The following KIFC3 variants were observed in gnomAD, a reference collection of about 807,000 sequenced individuals.
KIFC3 encodes the protein kinesin-like protein KIFC3.
A neutral mutation model predicts 101.8 loss-of-function variants in KIFC3; 60 were observed. That is an observed-to-expected ratio of 0.59 (90% CI 0.48 to 0.73). The LOEUF is 0.73. KIFC3 is among the 30% of genes least tolerant of loss of function. The probability of loss-of-function intolerance (pLI) is 0.00; values close to 1 mark genes in which losing one functional copy is unlikely to be tolerated. For synonymous variants in KIFC3, 476 were observed against 482.7 expected, an observed-to-expected ratio of 0.99 and a Z score of 0.18; for missense variants, 966 against 1,137.1, an observed-to-expected ratio of 0.85 and a Z score of 2.16.
chr16:57,778,349 T>C (rs1555612851), intron 3 of KIFC3, among the ~76,000 whole-genome samples: 4 of 151,902 alleles, frequency 2.6e-5, no homozygotes, highest in East Asian at 1.9e-4. Context: ...CAGAAGAAAA[T>C]AGAGGAGAAA....
chr16:57,850,944 TCC>T lies in KIFC3; in HGVS notation c.108+11783_108+11784del, dbSNP rs1285419425. On this transcript the variant is annotated intron_variant, in intron 1 of 2. Transcript: ENST00000563028. ...TTTGATTTCAACTTCTTTCCTTCCC[TCC>T]CTCCTTCCTTCCTTCCTTCCTTCCT... 9.9e-3 allele frequency among the ~76,000 whole-genome samples: 300 copies of T among 30,424 alleles called. 1 individual carries two copies. The highest frequency in any genetic ancestry group is 0.02 in the Non-Finnish European group (230 of 11,468). 20.0% of individuals were successfully genotyped at this position (30,424 alleles called of 152,430 possible). A position where few individuals can be genotyped will look rare whatever the true frequency, so the allele number is the denominator to read the frequency against.
At chr16:57,764,612 G>C (rs2050241672) in intron 11 of KIFC3, among the ~76,000 whole-genome samples, 1 of 152,252 alleles carries the variant, frequency 6.6e-6, no homozygotes, top group South Asian at 2.1e-4. Context: ...GATAGAACCA[G>C]ACATGAGAAC....
At position 57,780,927 on chromosome 16, in the gene KIFC3, G is replaced by A. The variant is rs1186390948; in HGVS notation, c.316-8639C>T. 4.6e-5 allele frequency among the ~76,000 whole-genome samples: 7 copies of A among 151,984 alleles called. No individual in the cohort carries two copies. In the Middle Eastern group the frequency reaches 0.02, roughly 443 times the overall value. ...TGACCTCAGAAGATCTGCCCACCTCGGCCTCCCAAAGTGCTGGGATTACAG... is the reference window on the plus strand; with the variant it reads ...TGACCTCAGAAGATCTGCCCACCTCAGCCTCCCAAAGTGCTGGGATTACAG... On this transcript the variant is annotated intron_variant, in intron 3 of 19. Transcript: ENST00000445690.
At chr16:57,834,354 C>T (rs2911342) in intron 1 of KIFC3, among the ~76,000 whole-genome samples, 25,078 of 151,952 alleles carry the variant, frequency 0.17, 2,269 homozygotes, top group Middle Eastern at 0.23. Context: ...ACTGCACTCC[C>T]TGACATTTTT....
At chr16:57,762,103 C>A (rs1290663644) in intron 13 of KIFC3, 37 bp downstream of exon 13, 1 of 1,544,638 alleles carries the variant, frequency 6.5e-7, no homozygotes, top group East Asian at 2.3e-5. Context: ...CCCAAAGCTG[C>A]CCCTGAGGCC....
intron 1 of KIFC3, chr16:57,846,324 C>T (rs1033240492): frequency 4.6e-5 from 7 of 152,424 alleles, no homozygotes; most frequent in African/African-American, 1.7e-4. Context: ...CAGACAAAGC[C>T]ATGAGATACA....
chr16:57,771,515 G>A lies in KIFC3; in HGVS notation c.525+28C>T, dbSNP rs782343494. 2.5e-6 allele frequency: 4 copies of A among 1,610,654 alleles called. No homozygotes were observed. The South Asian group carries it at 3.3e-5, about 13-fold the overall frequency. ...GAGCTGGGGTGGCCCTCCAGGACCA[G>A]CATGGGGACCACGGCCATTCTGCTC... On this transcript the variant is annotated intron_variant, in intron 5 of 19. Transcript: ENST00000445690.
intron 1 of KIFC3, among the ~76,000 whole-genome samples, chr16:57,812,179 A>G (rs2055099643): frequency 6.6e-6 from 1 of 150,848 alleles, no homozygotes; most frequent in South Asian, 2.1e-4. Flanking sequence ...AGTAGCTGGG[A>G]CTACAGGCGC....
At chr16:57,784,860 G>T (rs893839069) in intron 3 of KIFC3, among the ~76,000 whole-genome samples, 5 of 151,836 alleles carry the variant, frequency 3.3e-5, no homozygotes, top group Non-Finnish European at 7.4e-5. Context: ...CCCATGGGAC[G>T]TGCAGCTCAT....
At chr16:57,790,078 C>CT (rs782291808) in intron 3 of KIFC3, among the ~76,000 whole-genome samples, 17,007 of 94,092 alleles carry the variant, frequency 0.18, 1,632 homozygotes, top group South Asian at 0.32. Context: ...TTCTTTCTTT[C>CT]TTTTTTTTTT....
Position 57,769,821 on chromosome 16 carries a change from G to C in KIFC3, c.1074C>G (p.His358Gln). ...TGGTCAGCTCACCTGCTAGATTCTC[G>C]TGCACAGCCTTCATCTCCACCTGGG... is the stretch of plus-strand genomic sequence containing the variant. ...ARAQVEMKAV[H>Q]ENLAGVRTNL... Residue 358 changes from histidine to glutamine, a missense_variant, in exon 8 of 20, where the codon CAC becomes CAG. By Grantham distance (24) the His-to-Gln change is conservative. Around this residue, in one of 2 missense-constraint regions of KIFC3, gnomAD observed 689 missense variants for 884.6 expected, o/e 0.78. Transcript: ENST00000445690. The surrounding 1 kb of genome is among the most constrained non-coding windows in gnomAD (Gnocchi z 4.3). 2 of 1,613,400 alleles carry C rather than the reference G, an allele frequency of 1.2e-6. No individual in the cohort carries two copies. The highest frequency in any genetic ancestry group is 1.1e-5 in the South Asian group (1 of 91,084).
At chr16:57,806,254 C>A (rs2054933412), upstream of KIFC3, among the ~76,000 whole-genome samples, 1 of 152,198 alleles carries the variant, frequency 6.6e-6, no homozygotes, top group Non-Finnish European at 1.5e-5. Context: ...CAGATCAAGT[C>A]TTCTCCGAGC....
rs1555600566 is a variant in KIFC3 at position 57,764,199 on chromosome 16, T to A, written c.1561A>T (p.Asn521Tyr). Residue 521 changes from asparagine to tyrosine, a missense_variant, in exon 12 of 20, where the codon AAT becomes TAT. By Grantham distance (143) the Asn-to-Tyr change is moderately radical. Coordinates refer to ENST00000445690, the MANE Select transcript of KIFC3 (RefSeq NM_001130100.2). Reference protein sequence around the residue: ...ALVTSCIDGFNVCIFAYGQTG... With the variant: ...ALVTSCIDGFYVCIFAYGQTG... ...TGGCCGTACGCAAAGATGCAGACAT[T>A]GAAGCCATCAATGCAAGAGGTGACC... 2 of 1,611,360 alleles carry A rather than the reference T, an allele frequency of 1.2e-6. No individual in the cohort carries two copies. The highest frequency in any genetic ancestry group is 4.5e-5 in the East Asian group (2 of 44,778).
At chr16:57,822,662 A>G (rs1465777537) in intron 1 of KIFC3, among the ~76,000 whole-genome samples, 4 of 152,082 alleles carry the variant, frequency 2.6e-5, no homozygotes, top group African/African-American at 9.7e-5. Context: ...ACACCATTGC[A>G]CTCCAGCCTG....
intron 1 of KIFC3, among the ~76,000 whole-genome samples, chr16:57,811,863 C>T (rs1185129470): frequency 2.7e-5 from 4 of 147,320 alleles, no homozygotes; most frequent in Non-Finnish European, 5.9e-5. Flanking sequence ...TGCAGTGAGC[C>T]GAGATTGTGA....
In KIFC3 at chr16:57,760,890, G is replaced by A. The variant is rs563467131; in HGVS notation, c.2068C>T (p.Arg690Cys). Residue 690 changes from arginine to cysteine, a missense_variant, in exon 16 of 20, where the codon CGC (arginine) becomes TGC (cysteine). This residue lies in a region of KIFC3 where 689 missense variants were observed against 884.6 expected (regional missense o/e 0.78). Coordinates refer to ENST00000445690, the MANE Select transcript of KIFC3 (RefSeq NM_001130100.2). ...RVGKSGAEGS[R>C]LREAQHINKS... The stretch of plus-strand genomic sequence containing the variant: ...TTGATGTGCTGCGCCTCCCGCAGGC[G>A]GCTGCCCTCGGCCCCCGACTTGCCC... The A allele has an allele frequency of 9.3e-6, 15 of 1,610,434 alleles. No individual in the cohort carries two copies. Among genetic ancestry groups the A allele is most frequent in the African/African-American group, 1.3e-5 (1 of 75,008 alleles).
chr16:57,824,251 G>A (rs2055414596), intron 1 of KIFC3, among the ~76,000 whole-genome samples: 1 of 152,218 alleles, frequency 6.6e-6, no homozygotes. Context: ...TGCCTTGGGG[G>A]AGCCACTGAG....
chr16:57,850,656 AG>A (rs1283839620), intron 1 of KIFC3, among the ~76,000 whole-genome samples: 8 of 151,426 alleles, frequency 5.3e-5, no homozygotes, highest in Admixed American at 5.3e-4. Flanking sequence ...TTGTATTTTT[AG>A]TACAGATGGG....
At chr16:57,848,385 G>T (rs2149323740) in intron 1 of KIFC3, among the ~76,000 whole-genome samples, 1 of 152,298 alleles carries the variant, frequency 6.6e-6, no homozygotes, top group South Asian at 2.1e-4. Context: ...CCAGAACTTT[G>T]GGAGGCCGAG....
Sources: gnomAD v4.1 joint callset for allele counts (sites outside exome capture counted in the v4.1 genomes callset) on GRCh38, gnomAD v4.1.1 for gene constraint, gnomAD v4.1.1 regional missense constraint, Gnocchi (gnomAD v3.1) non-coding constraint, MANE v1.5 for transcripts, NCBI Gene and HGNC (gene_info 2026-07-23, HGNC 2026-07-21) for gene names.